DNAH6: variants seen among roughly 807,000 people sequenced by gnomAD.
The protein encoded by DNAH6 is dynein axonemal heavy chain 6, also known as axonemal beta dynein heavy chain 6.
DNAH6 carries 340 observed loss-of-function variants against 491.4 expected under a neutral mutation model. The ratio of observed to expected loss-of-function variants is 0.69; its 90% CI spans 0.63 to 0.76. The LOEUF (loss-of-function observed/expected upper bound fraction) is 0.76, where lower values mean the gene tolerates loss of function less well. Ranked by LOEUF, DNAH6 falls within the 30% of genes least tolerant of loss-of-function variation. The probability of loss-of-function intolerance (pLI) is 0.00; values close to 1 mark genes in which losing one functional copy is unlikely to be tolerated. For synonymous variants in DNAH6, 1,603 were observed against 1,686.1 expected, an observed-to-expected ratio of 0.95 and a Z score of 1.21; for missense variants, 4,443 against 4,972.2, an observed-to-expected ratio of 0.89 and a Z score of 3.20.
At chr2:84,791,583 G>A (rs2105265115) in intron 68 of DNAH6, among the ~76,000 whole-genome samples, 1 of 151,550 alleles carries the variant, frequency 6.6e-6, no homozygotes, top group Middle Eastern at 3.4e-3. Context: ...AAATGGAAAT[G>A]TTCTAAAATT....
Position 84,787,267 on chromosome 2 carries a change from G to A in DNAH6, c.11204G>A (p.Gly3735Glu), listed in dbSNP as rs1025002179. 99 of 1,548,696 alleles carry A rather than the reference G, an allele frequency of 6.4e-5. No homozygotes were observed. Among genetic ancestry groups the A allele is most frequent in the Non-Finnish European group, 8.3e-5 (95 of 1,145,442 alleles). ...AATCTCAAACTCTATTGTAAAGAAG[G>A]AAAGATTCCCTGGGATGCACTAATT... The part of the protein sequence containing the change: ...LLNLKLYCKE[G>E]KIPWDALIYI... The change falls in exon 68 of 77, where the codon GGA becomes GAA. Residue 3735 changes from glycine to glutamate, a missense_variant. Gly to Glu is a moderately conservative substitution (Grantham distance 98, BLOSUM62 -2). This residue lies in a region of DNAH6 where 1,463 missense variants were observed against 1,656.6 expected (regional missense o/e 0.88). Coordinates refer to ENST00000389394, the MANE Select transcript of DNAH6 (RefSeq NM_001370.2).
chr2:84,814,350 A>G (rs182784236), intron 75 of DNAH6, among the ~76,000 whole-genome samples: 140 of 151,974 alleles, frequency 9.2e-4, no homozygotes, highest in Middle Eastern at 3.4e-3. Context: ...TATTTTTTTT[A>G]TTTTTTAGCT....
At chr2:84,683,942 A>G (rs1694049740) in intron 42 of DNAH6, among the ~76,000 whole-genome samples, 1 of 152,130 alleles carries the variant, frequency 6.6e-6, no homozygotes, top group African/African-American at 2.4e-5. Context: ...GGCCCATGGC[A>G]GGAGCTTAGG....
Position 84,745,115 on chromosome 2 carries a change from G to A in DNAH6, c.10378G>A (p.Glu3460Lys), listed in dbSNP as rs1321262834. 6.5e-7 allele frequency: 1 copy of A among 1,539,506 alleles called. No homozygotes were observed. Among genetic ancestry groups the A allele is most frequent in the Non-Finnish European group, 8.8e-7 (1 of 1,141,138 alleles). Reference sequence around the variant, plus strand: ...GACTTATATTAACCCACAGAAATGGGAAGGCTATTCTAAAATGAAACACGA... The same window carrying A: ...GACTTATATTAACCCACAGAAATGGAAAGGCTATTCTAAAATGAAACACGA... ...FETYINPQKW[E>K]GYSKMKHEDK... is the part of the protein sequence containing the mutation. The change falls in exon 63 of 77, where the codon GAA becomes AAA. Residue 3460 changes from glutamate (E) to lysine (K), a missense_variant. Around this residue, in one of 3 missense-constraint regions of DNAH6, gnomAD observed 1,463 missense variants for 1,656.6 expected, o/e 0.88. Transcript: ENST00000389394.
the DNAH6 span, among the ~76,000 whole-genome samples, chr2:84,470,062 A>G: frequency 6.6e-6 from 1 of 152,056 alleles, no homozygotes. Context: ...GAGTATATGC[A>G]CTCCACTTAC....
At chr2:84,553,943 C>T (rs1453224545) in intron 10 of DNAH6, among the ~76,000 whole-genome samples, 4 of 152,114 alleles carry the variant, frequency 2.6e-5, no homozygotes, top group African/African-American at 4.8e-5. Context: ...CTCAGATTAT[C>T]GTCTGTTTCA....
At chr2:84,818,746 G>A (rs1647126164) in intron 76 of DNAH6, among the ~76,000 whole-genome samples, 1 of 152,158 alleles carries the variant, frequency 6.6e-6, no homozygotes, top group South Asian at 2.1e-4. Flanking sequence ...CATCACTGTT[G>A]CAAGATATGA....
chr2:84,537,358 G>C (rs1677794480), intron 4 of DNAH6, among the ~76,000 whole-genome samples: 1 of 151,978 alleles, frequency 6.6e-6, no homozygotes, highest in African/African-American at 2.4e-5. Flanking sequence ...TGAAATCTAT[G>C]CTTATGGGGT....
At chr2:84,698,509 C>T (rs1573524287) in intron 47 of DNAH6, among the ~76,000 whole-genome samples, 1 of 152,216 alleles carries the variant, frequency 6.6e-6, no homozygotes, top group Non-Finnish European at 1.5e-5. Context: ...CCTGCTGAAG[C>T]AGGGAGCCAC....
chr2:84,646,300 CCTT>C (rs1340552626), intron 33 of DNAH6, among the ~76,000 whole-genome samples: 2 of 152,090 alleles, frequency 1.3e-5, no homozygotes, highest in Admixed American at 6.5e-5. Flanking sequence ...CCATCTCTCT[CCTT>C]CTCCTTGGGC....
chr2:84,590,258 G>A (rs1174113074), intron 16 of DNAH6, among the ~76,000 whole-genome samples: 3 of 152,050 alleles, frequency 2.0e-5, no homozygotes, highest in Non-Finnish European at 4.4e-5. Flanking sequence ...CACTTTGGGA[G>A]GCCAAGGCTG....
intron 75 of DNAH6, among the ~76,000 whole-genome samples, chr2:84,814,846 C>T (rs1297360916): frequency 6.6e-6 from 1 of 152,200 alleles, no homozygotes; most frequent in African/African-American, 2.4e-5. Context: ...GTCTCCTGGC[C>T]CACCTAGCAA....
At chr2:84,573,076 A>G (rs1682059012) in intron 11 of DNAH6, among the ~76,000 whole-genome samples, 1 of 152,198 alleles carries the variant, frequency 6.6e-6, no homozygotes, top group African/African-American at 2.4e-5. Context: ...TGGGCATGCT[A>G]AACAGGTTTG....
intron 15 of DNAH6, among the ~76,000 whole-genome samples, chr2:84,586,235 G>A (rs10208631): frequency 0.86 from 131,041 of 152,126 alleles, 57,246 homozygotes; most frequent in East Asian, 0.99. Context: ...CTACAGCTGC[G>A]CCCAAGGAAC....
intron 39 of DNAH6, among the ~76,000 whole-genome samples, chr2:84,671,964 A>G (rs1692779916): frequency 1.3e-5 from 2 of 152,314 alleles, no homozygotes; most frequent in South Asian, 2.1e-4. Flanking sequence ...TCCTCTTCCT[A>G]CTATGGAAAG....
chr2:84,668,324 T>A (rs954584523), intron 37 of DNAH6, among the ~76,000 whole-genome samples: 2 of 152,216 alleles, frequency 1.3e-5, no homozygotes, highest in African/African-American at 4.8e-5. Context: ...ATTTTACATG[T>A]TTGTAGATAC....
chr2:84,656,069 G>A (rs1192676510), intron 35 of DNAH6, among the ~76,000 whole-genome samples: 2 of 152,020 alleles, frequency 1.3e-5, no homozygotes, highest in Non-Finnish European at 1.5e-5. Context: ...AGCCTTTTCA[G>A]ACTGGCTTTT....
Position 84,557,832 on chromosome 2 carries a change from A to C in DNAH6, c.1700A>C (p.Tyr567Ser). ...DSYFDAFTSP[Y>S]INNKLEGKTC... ...TATTTTGATGCTTTCACCAGCCCTTATATTAACAACAAACTTGAAGGAAAA... is the reference window on the plus strand; with the variant it reads ...TATTTTGATGCTTTCACCAGCCCTTCTATTAACAACAAACTTGAAGGAAAA... The change falls in exon 11 of 77, where the codon TAT becomes TCT. Residue 567 changes from tyrosine to serine, a missense_variant. By Grantham distance (144) the Tyr-to-Ser change is moderately radical. Coordinates refer to ENST00000389394, the MANE Select transcript of DNAH6 (RefSeq NM_001370.2). The C allele has an allele frequency of 6.2e-7, 1 of 1,613,298 alleles. No individual in the cohort carries two copies. Among genetic ancestry groups the C allele is most frequent in the Non-Finnish European group, 8.5e-7 (1 of 1,179,544 alleles).
chr2:84,518,143 C>T (rs2104398341), intron 2 of DNAH6, 92 bp downstream of exon 2: 1 of 908,810 alleles, frequency 1.1e-6, no homozygotes, highest in Non-Finnish European at 1.7e-6. Context: ...AGACTCTGAA[C>T]TGACAAAGAA....
Sources: allele counts gnomAD v4.1 joint callset (sites outside exome capture counted in the v4.1 genomes callset), GRCh38; gene constraint gnomAD v4.1.1; regional missense constraint gnomAD v4.1.1; transcripts MANE v1.5; gene names NCBI Gene and HGNC (gene_info 2026-07-23, HGNC 2026-07-21).